Variants in CCDC73 observed in about 807,000 individuals in gnomAD.
CCDC73 encodes the protein coiled-coil domain-containing protein 73.
Under a neutral mutation model 116.5 loss-of-function variants are expected in CCDC73, and 95 were observed. The ratio of observed to expected loss-of-function variants is 0.82; its 90% confidence interval spans 0.69 to 0.97. The LOEUF (loss-of-function observed/expected upper bound fraction) is 0.97, where lower values mean the gene tolerates loss of function less well. Ranked by LOEUF, CCDC73 falls within the 50% of genes least tolerant of loss-of-function variation. The pLI is 0.00. For missense variants in CCDC73, 1,066 were observed against 1,206.8 expected, an observed-to-expected ratio of 0.88 and a Z score of 1.73; for synonymous variants, 398 against 401.3, an observed-to-expected ratio of 0.99 and a Z score of 0.10.
the CCDC73 span, among the ~76,000 whole-genome samples, chr11:32,819,866 A>T: frequency 6.6e-6 from 1 of 152,164 alleles, no homozygotes; most frequent in Non-Finnish European, 1.5e-5. Context: ...ATACATTTAT[A>T]ATGCTTTCTG....
At chr11:32,768,968 A>G (rs1454273891) in intron 1 of CCDC73, among the ~76,000 whole-genome samples, 2 of 152,214 alleles carry the variant, frequency 1.3e-5, no homozygotes, top group Non-Finnish European at 2.9e-5. Flanking sequence ...AGGAAAAGGT[A>G]CTAGCTTCAT....
chr11:32,792,570 C>A (rs185492545), intron 1 of CCDC73, among the ~76,000 whole-genome samples: 22 of 152,296 alleles, frequency 1.4e-4, no homozygotes, highest in African/African-American at 5.3e-4. Context: ...CCCTGGAACA[C>A]AATTTAGGAA....
intron 1 of CCDC73, among the ~76,000 whole-genome samples, chr11:32,772,808 G>C (rs1469307979): frequency 6.6e-6 from 1 of 152,134 alleles, no homozygotes; most frequent in African/African-American, 2.4e-5. Context: ...ATAATAATGA[G>C]TGTTGACAAG....
At chr11:32,605,463 A>G (rs1425380353) in intron 17 of CCDC73, 1 of 152,186 alleles carries the variant, frequency 6.6e-6, no homozygotes, top group African/African-American at 2.4e-5. Context: ...AGATGCTATT[A>G]CTGGAAAGAA....
At chr11:32,750,384 A>G (rs1435091586) in intron 2 of CCDC73, among the ~76,000 whole-genome samples, 1 of 152,006 alleles carries the variant, frequency 6.6e-6, no homozygotes. Flanking sequence ...GCGATCTACA[A>G]TCACCAGGTG....
intron 6 of CCDC73, among the ~76,000 whole-genome samples, chr11:32,684,462 T>C (rs1289207904): frequency 6.6e-6 from 1 of 152,228 alleles, no homozygotes. Context: ...TAAACACTTT[T>C]CTGTGACAAA....
At chr11:32,751,265 A>G (rs1850285174) in intron 2 of CCDC73, among the ~76,000 whole-genome samples, 2 of 152,160 alleles carry the variant, frequency 1.3e-5, no homozygotes, top group South Asian at 4.1e-4. Flanking sequence ...TGTACACTGC[A>G]CTGCCTGGGG....
At chr11:32,766,006 A>C (rs1850437901) in intron 1 of CCDC73, among the ~76,000 whole-genome samples, 1 of 152,240 alleles carries the variant, frequency 6.6e-6, no homozygotes, top group Non-Finnish European at 1.5e-5. Flanking sequence ...CACAACAAAA[A>C]AAGAGAATTT....
chr11:32,669,432 A>G (rs1423272331), intron 9 of CCDC73, among the ~76,000 whole-genome samples: 1 of 152,194 alleles, frequency 6.6e-6, no homozygotes, highest in Non-Finnish European at 1.5e-5. Context: ...TGGGGTACCC[A>G]TCCCCTGAAG....
In CCDC73 at chr11:32,633,273, C is replaced by T. The variant is rs977927583; in HGVS notation, c.1185+2423G>A. Among the ~76,000 whole-genome samples, 5 of 148,764 alleles carry T rather than the reference C, an allele frequency of 3.4e-5. No homozygotes were observed. In the South Asian group the frequency reaches 6.7e-4, roughly 20 times the overall value. On this transcript the variant is annotated intron_variant, in intron 14 of 17. Transcript: ENST00000335185. The stretch of plus-strand genomic sequence containing the variant: ...TCAAATGATCAAGACAAACAGAGAG[C>T]GAGAGAGAGAAGATACAAATTACAA...
intron 14 of CCDC73, among the ~76,000 whole-genome samples, chr11:32,621,154 C>T (rs1377918346): frequency 2.0e-5 from 3 of 152,104 alleles, no homozygotes; most frequent in Non-Finnish European, 4.4e-5. Flanking sequence ...ACTTTCTTCA[C>T]AGAATTTGAA....
chr11:32,794,562 G>C (rs1264365453), intron 1 of CCDC73, 51 bp downstream of exon 1: 1 of 152,248 alleles, frequency 6.6e-6, no homozygotes, highest in Non-Finnish European at 1.5e-5. Context: ...GAAAAGATTA[G>C]GGCTGCTTCC....
At chr11:32,701,136 A>G (rs1355016135) in intron 4 of CCDC73, among the ~76,000 whole-genome samples, 1 of 152,164 alleles carries the variant, frequency 6.6e-6, no homozygotes, top group Non-Finnish European at 1.5e-5. Context: ...AGACTAGAGC[A>G]CACACCACCA....
chr11:32,789,234 G>A (rs1002270090), intron 1 of CCDC73, among the ~76,000 whole-genome samples: 1 of 152,090 alleles, frequency 6.6e-6, no homozygotes, highest in East Asian at 1.9e-4. Flanking sequence ...CATTCTTAGC[G>A]ACTACAGTGA....
chr11:32,642,547 T>G (rs1855742745), intron 12 of CCDC73, among the ~76,000 whole-genome samples: 1 of 152,008 alleles, frequency 6.6e-6, no homozygotes, highest in African/African-American at 2.4e-5. Context: ...AAGTATAACT[T>G]AAATATTTAC....
chr11:32,732,601 G>A (rs570885169), intron 2 of CCDC73, among the ~76,000 whole-genome samples: 2 of 152,244 alleles, frequency 1.3e-5, no homozygotes, highest in African/African-American at 2.4e-5. Flanking sequence ...AGAAGAGAGT[G>A]GGGGCCAATC....
In CCDC73 at chr11:32,782,719, T is replaced by C. The variant is rs118169139; in HGVS notation, c.-16+11894A>G. Among the ~76,000 whole-genome samples, 507 of 152,240 alleles carry C rather than the reference T, an allele frequency of 3.3e-3. 3 individuals carry two copies. Among genetic ancestry groups the C allele is most frequent in the Non-Finnish European group, 4.4e-3 (300 of 68,014 alleles). ...CTTTTAAAAATTATTTTCTTATCCA[T>C]AGTGTTCAGTACAGCATCAACTTTC... is the stretch of plus-strand genomic sequence containing the variant. On this transcript the variant is annotated intron_variant, in intron 1 of 17. Transcript: ENST00000335185.
rs1162807405 is a variant in CCDC73, at chr11:32,724,631, T to TC, written c.136-6485dup. On this transcript the variant is annotated intron_variant, in intron 2 of 17. Coordinates refer to ENST00000335185, the MANE Select transcript of CCDC73 (RefSeq NM_001008391.4). ...TGTTGAAATCTGTATTTCTAGTTTT[T>TC]CTTCAATAATTGAAAAAGATGGATA... Among the ~76,000 whole-genome samples, 44 of 152,226 alleles carry TC rather than the reference T, an allele frequency of 2.9e-4. 1 individual carries two copies. Among genetic ancestry groups the TC allele is most frequent in the Middle Eastern group, 3.2e-3 (1 of 316 alleles).
At chr11:32,667,008 G>A (rs998191278) in intron 9 of CCDC73, among the ~76,000 whole-genome samples, 2 of 152,194 alleles carry the variant, frequency 1.3e-5, no homozygotes, top group Admixed American at 6.5e-5. Context: ...CTGCCTGATT[G>A]TTCCTCTGGA....
Sources: allele counts gnomAD v4.1 joint callset (sites outside exome capture counted in the v4.1 genomes callset), GRCh38; gene constraint gnomAD v4.1.1; transcripts MANE v1.5; gene names NCBI Gene and HGNC (gene_info 2026-07-23, HGNC 2026-07-21).